The following TSPAN9 variants were observed in gnomAD, a reference collection of about 807,000 sequenced individuals.
TSPAN9 encodes the protein tetraspanin-9.
Under a neutral mutation model 31.0 loss-of-function variants are expected in TSPAN9, and 16 were observed. The observed-to-expected ratio is 0.52, with a 90% CI of 0.35 to 0.78. TSPAN9 has a LOEUF of 0.78. TSPAN9 is among the 30% of genes least tolerant of loss of function. The probability of loss-of-function intolerance (pLI) is 0.01; values close to 1 mark genes in which losing one functional copy is unlikely to be tolerated. For synonymous variants in TSPAN9, 145 were observed against 121.6 expected (o/e 1.19, Z -1.27); for missense variants, 272 against 312.5 (o/e 0.87, Z 0.98).
chr12:3,102,096 C>T (rs999257711), intron 2 of TSPAN9, among the ~76,000 whole-genome samples: 3 of 151,972 alleles, frequency 2.0e-5, no homozygotes, highest in Non-Finnish European at 2.9e-5. Context: ...GAATCTTGCA[C>T]GCACCTGCTC....
chr12:3,269,479 CCT>C lies in TSPAN9; in HGVS notation c.64-8939_64-8938del, dbSNP rs1345921752. Among the ~76,000 whole-genome samples the C allele has an allele frequency of 4.4e-4, 62 of 139,532 alleles. No individual in the cohort carries two copies. In the East Asian group the frequency reaches 0.011, roughly 25 times the overall value. The allele number at this position is 139,532 out of a possible 152,430, so 91.5% of individuals were successfully genotyped here. Reference sequence around the variant, plus strand: ...CCCTCTGTGCGTTCCTGCAGCCTGCCCTCTGTGTTTCTGCAGCCTGCCCTCTC... The same window carrying C: ...CCCTCTGTGCGTTCCTGCAGCCTGCCCTGTGTTTCTGCAGCCTGCCCTCTC... On this transcript the variant is annotated intron_variant, in intron 3 of 8. Transcript: ENST00000011898.
chr12:3,144,599 C>G (rs2098336315), intron 2 of TSPAN9, among the ~76,000 whole-genome samples: 1 of 152,228 alleles, frequency 6.6e-6, no homozygotes, highest in South Asian at 2.1e-4. Flanking sequence ...GCCCCCAGAA[C>G]CGCGAGACCG....
intron 2 of TSPAN9, among the ~76,000 whole-genome samples, chr12:3,148,481 C>T (rs1406747597): frequency 5.9e-5 from 9 of 152,214 alleles, no homozygotes; most frequent in Non-Finnish European, 8.8e-5. Context: ...TCAGCACCTG[C>T]GGCCTGTGAG....
chr12:3,266,890 G>T (rs982369225), intron 3 of TSPAN9, among the ~76,000 whole-genome samples: 12 of 152,246 alleles, frequency 7.9e-5, no homozygotes, highest in African/African-American at 2.7e-4. Flanking sequence ...TAGAGAGTGT[G>T]TGGGTGGCTG....
chr12:3,174,739 C>A (rs1410460605), intron 2 of TSPAN9, among the ~76,000 whole-genome samples: 1 of 137,876 alleles, frequency 7.3e-6, no homozygotes, highest in Non-Finnish European at 1.7e-5. Context: ...CCCACCACCG[C>A]GCCCGGCTAA....
At chr12:3,219,961 C>T (rs1204022258) in intron 3 of TSPAN9, among the ~76,000 whole-genome samples, 1 of 151,820 alleles carries the variant, frequency 6.6e-6, no homozygotes, top group South Asian at 2.1e-4. Flanking sequence ...TCGAGACTAG[C>T]CTGGCCAACG....
At chr12:3,106,109 C>T (rs1003930684) in intron 2 of TSPAN9, among the ~76,000 whole-genome samples, 9 of 152,262 alleles carry the variant, frequency 5.9e-5, no homozygotes, top group African/African-American at 2.2e-4. Flanking sequence ...CACACACATG[C>T]CTGCCCATGC....
At chr12:3,193,968 G>T (rs530288601) in intron 2 of TSPAN9, among the ~76,000 whole-genome samples, 1 of 152,316 alleles carries the variant, frequency 6.6e-6, no homozygotes, top group South Asian at 2.1e-4. Flanking sequence ...GTTTCAGCTT[G>T]TCAGGTTCAG....
intron 2 of TSPAN9, among the ~76,000 whole-genome samples, chr12:3,166,860 G>A (rs1034089860): frequency 2.0e-5 from 3 of 152,066 alleles, no homozygotes; most frequent in Non-Finnish European, 2.9e-5. Flanking sequence ...GTGGTGGCGC[G>A]ATCTCGGCTC....
At chr12:3,089,458 G>A (rs924057922) in intron 2 of TSPAN9, among the ~76,000 whole-genome samples, 10 of 151,390 alleles carry the variant, frequency 6.6e-5, no homozygotes, top group East Asian at 4.0e-4. Flanking sequence ...CACCACGCCT[G>A]GCTAATTTTT....
intron 3 of TSPAN9, among the ~76,000 whole-genome samples, chr12:3,273,873 G>A (rs1165329504): frequency 1.3e-5 from 2 of 152,106 alleles, no homozygotes; most frequent in Admixed American, 6.5e-5. Context: ...CTCCCTCCCC[G>A]ATCTCAGCCC....
intron 2 of TSPAN9, among the ~76,000 whole-genome samples, chr12:3,093,310 G>A (rs1386596001): frequency 1.3e-5 from 2 of 152,198 alleles, no homozygotes; most frequent in Non-Finnish European, 2.9e-5. Context: ...GGCGTGGGGG[G>A]CAGTAGGGAT....
intron 2 of TSPAN9, among the ~76,000 whole-genome samples, chr12:3,191,523 T>C (rs953946051): frequency 2.0e-5 from 3 of 152,178 alleles, no homozygotes; most frequent in Non-Finnish European, 4.4e-5. Flanking sequence ...AACCAGAGGT[T>C]GAGCAACTAG....
chr12:3,107,904 G>C lies in TSPAN9; in HGVS notation c.-18+24185G>C, dbSNP rs1053727308. ...CCCCCAAGCCTTTGCACATATTCCTGCTCCCTGGACCAACCTCGTGCTATT... is the reference window on the plus strand; with the variant it reads ...CCCCCAAGCCTTTGCACATATTCCTCCTCCCTGGACCAACCTCGTGCTATT... On this transcript the variant is annotated intron_variant, in intron 2 of 8. Coordinates refer to ENST00000011898, the MANE Select transcript of TSPAN9 (RefSeq NM_006675.5). The surrounding 1 kb of genome is among the most constrained non-coding windows in gnomAD (Gnocchi z 4.1). 2.6e-5 allele frequency among the ~76,000 whole-genome samples: 4 copies of C among 152,048 alleles called. No individual in the cohort carries two copies. Among genetic ancestry groups the C allele is most frequent in the African/African-American group, 9.7e-5 (4 of 41,366 alleles).
intron 3 of TSPAN9, among the ~76,000 whole-genome samples, chr12:3,273,656 T>C (rs1404687164): frequency 6.6e-6 from 1 of 152,224 alleles, no homozygotes; most frequent in African/African-American, 2.4e-5. Context: ...CTTCCTGTGC[T>C]ATGTGCTGGG....
intron 3 of TSPAN9, among the ~76,000 whole-genome samples, chr12:3,266,076 C>T (rs1429588779): frequency 1.3e-5 from 2 of 152,324 alleles, no homozygotes; most frequent in South Asian, 2.1e-4. Context: ...ATCCCGTCCT[C>T]CTCGGCTACA....
intron 3 of TSPAN9, among the ~76,000 whole-genome samples, chr12:3,254,816 C>T (rs1477400227): frequency 6.6e-6 from 1 of 152,184 alleles, no homozygotes; most frequent in Non-Finnish European, 1.5e-5. Flanking sequence ...AGTCAGTTTC[C>T]ATTAATGATC....
intron 1 of TSPAN9, 34 bp from the exon 2 acceptor site, chr12:3,083,619 C>G (rs940447860): frequency 2.0e-5 from 3 of 152,286 alleles, no homozygotes; most frequent in African/African-American, 7.2e-5. Context: ...GGCTTCTTAC[C>G]AAAGTGATGA....
At chr12:3,132,233 T>C (rs778629416) in intron 2 of TSPAN9, among the ~76,000 whole-genome samples, 1 of 152,238 alleles carries the variant, frequency 6.6e-6, no homozygotes, top group Non-Finnish European at 1.5e-5. Flanking sequence ...TGAACATTCA[T>C]GCACAAGCTT....
Sources: gnomAD v4.1 joint callset for allele counts (sites outside exome capture counted in the v4.1 genomes callset) on GRCh38, gnomAD v4.1.1 for gene constraint, Gnocchi (gnomAD v3.1) non-coding constraint, MANE v1.5 for transcripts, NCBI Gene and HGNC (gene_info 2026-07-23, HGNC 2026-07-21) for gene names.